Variants in PRELID2 observed in about 807,000 individuals in gnomAD.
The protein encoded by PRELID2 is PRELI domain containing 2.
PRELID2 carries 25 observed loss-of-function variants against 28.4 expected under a neutral mutation model. That is an observed-to-expected ratio of 0.88 (90% CI 0.64 to 1.23). The LOEUF (loss-of-function observed/expected upper bound fraction) is 1.23, where lower values mean the gene tolerates loss of function less well. PRELID2 is among the 50% of genes most tolerant of loss of function. The pLI is 0.00. For missense variants in PRELID2, 201 were observed against 214.4 expected, an observed-to-expected ratio of 0.94 and a Z score of 0.39; for synonymous variants, 76 against 71.6, an observed-to-expected ratio of 1.06 and a Z score of -0.31.
the PRELID2 span, among the ~76,000 whole-genome samples, chr5:145,417,153 G>A: frequency 1.8e-4 from 28 of 151,554 alleles, no homozygotes; most frequent in African/African-American, 6.8e-4. Context: ...AAATCTAGAA[G>A]TGGATAAATT....
chr5:145,229,948 A>G, the PRELID2 span: 1 of 747,790 alleles, frequency 1.3e-6, no homozygotes. Context: ...ATGAGCGTGA[A>G]CGTGCAGGGT....
chr5:145,603,620 A>C (rs1374816917), intron 1 of PRELID2, among the ~76,000 whole-genome samples: 1 of 152,110 alleles, frequency 6.6e-6, no homozygotes, highest in Non-Finnish European at 1.5e-5. Context: ...ATGCAGAAAA[A>C]GGTAGAGGGA....
the PRELID2 span, among the ~76,000 whole-genome samples, chr5:145,264,678 A>C: frequency 3.9e-5 from 6 of 152,076 alleles, no homozygotes; most frequent in African/African-American, 1.4e-4. Context: ...AAGGATATAA[A>C]AATTGGTAAA....
At chr5:145,654,076 G>T (rs184256104) in intron 1 of PRELID2, among the ~76,000 whole-genome samples, 13,002 of 152,052 alleles carry the variant, frequency 0.086, 790 homozygotes, top group Admixed American at 0.19. Context: ...TATCACCACC[G>T]ATCCCACAGA....
chr5:145,279,830 GA>G, the PRELID2 span, among the ~76,000 whole-genome samples: 48,087 of 143,276 alleles, frequency 0.34, 7,970 homozygotes, highest in African/African-American at 0.39. Flanking sequence ...TAGTTTTTGA[GA>G]AAAAAAAAAA....
At chr5:145,631,317 C>A (rs10036552) in intron 1 of PRELID2, among the ~76,000 whole-genome samples, 2,792 of 152,220 alleles carry the variant, frequency 0.018, 92 homozygotes, top group African/African-American at 0.064. Context: ...ATCAGTCAGC[C>A]AAGAAACAGT....
rs144812211 is a variant in PRELID2 at position 145,727,554 on chromosome 5, C to T, written n.70+37377G>A. On this transcript the variant is annotated intron_variant and non_coding_transcript_variant, in intron 1 of 2. Transcript: ENST00000510259. ...AGCTATCATTGCTTGTTCTTGATGA[C>T]GGCTTTCTCTTCAGAGGCAGCTTCC... 3.3e-3 allele frequency among the ~76,000 whole-genome samples: 498 copies of T among 152,284 alleles called. 1 individual carries two copies. Among genetic ancestry groups the T allele is most frequent in the African/African-American group, 0.011 (443 of 41,554 alleles).
At chr5:145,635,899 C>G (rs1050242640) in intron 1 of PRELID2, among the ~76,000 whole-genome samples, 1 of 152,210 alleles carries the variant, frequency 6.6e-6, no homozygotes, top group Non-Finnish European at 1.5e-5. Flanking sequence ...GCTCTTCAAT[C>G]CTGGATCTGG....
intron 1 of PRELID2, among the ~76,000 whole-genome samples, chr5:145,584,368 C>T (rs891182795): frequency 6.6e-6 from 1 of 152,002 alleles, no homozygotes; most frequent in Non-Finnish European, 1.5e-5. Flanking sequence ...CCATTCAGGA[C>T]CTAGGCACAG....
the PRELID2 span, among the ~76,000 whole-genome samples, chr5:145,414,340 C>T: frequency 6.6e-6 from 1 of 152,160 alleles, no homozygotes; most frequent in African/African-American, 2.4e-5. Context: ...CTTGTTGTAG[C>T]CAAAGGTGAT....
chr5:145,571,711 G>T (rs554114338), intron 1 of PRELID2, among the ~76,000 whole-genome samples: 1 of 152,168 alleles, frequency 6.6e-6, no homozygotes, highest in South Asian at 2.1e-4. Context: ...GCCAGGTGCG[G>T]TGGTTCACGC....
chr5:145,295,628 A>G, the PRELID2 span, among the ~76,000 whole-genome samples: 1 of 152,148 alleles, frequency 6.6e-6, no homozygotes, highest in South Asian at 2.1e-4. Context: ...GTAGAATTTT[A>G]AATCTGGAAG....
chr5:145,263,679 A>C, the PRELID2 span, among the ~76,000 whole-genome samples: 1 of 152,058 alleles, frequency 6.6e-6, no homozygotes, highest in African/African-American at 2.4e-5. Flanking sequence ...AGAAATACAA[A>C]AGATTATTCA....
chr5:145,454,950 G>T, the PRELID2 span, among the ~76,000 whole-genome samples: 1 of 152,080 alleles, frequency 6.6e-6, no homozygotes, highest in Non-Finnish European at 1.5e-5. Context: ...TCTAATGATA[G>T]TTTCTTTTGC....
intron 1 of PRELID2, among the ~76,000 whole-genome samples, chr5:145,707,534 C>T (rs371976406): frequency 8.5e-5 from 13 of 152,092 alleles, no homozygotes; most frequent in East Asian, 5.8e-4. Context: ...GTTTAGTTTC[C>T]TTAAGAAGCT....
chr5:145,823,377 G>C (rs1364668090), intron 1 of PRELID2, among the ~76,000 whole-genome samples: 1 of 152,196 alleles, frequency 6.6e-6, no homozygotes. Context: ...CCCTGAGGGG[G>C]ATGAGGTTAA....
At chr5:145,711,368 A>G (rs912545131) in intron 1 of PRELID2, among the ~76,000 whole-genome samples, 1 of 152,210 alleles carries the variant, frequency 6.6e-6, no homozygotes, top group Admixed American at 6.5e-5. Context: ...AGCTCCTGCT[A>G]GGAGAGAACA....
the PRELID2 span, among the ~76,000 whole-genome samples, chr5:145,448,003 G>T: frequency 6.6e-6 from 1 of 152,008 alleles, no homozygotes; most frequent in African/African-American, 2.4e-5. Flanking sequence ...GGGATGGCTG[G>T]GTCAAATGGT....
chr5:145,471,152 C>T (rs1336542993), downstream of PRELID2, among the ~76,000 whole-genome samples: 1 of 152,076 alleles, frequency 6.6e-6, no homozygotes, highest in Non-Finnish European at 1.5e-5. Context: ...TGATAAGAAG[C>T]CAAATTGACA....
Sources: gnomAD v4.1 joint callset for allele counts (sites outside exome capture counted in the v4.1 genomes callset) on GRCh38, gnomAD v4.1.1 for gene constraint, MANE v1.5 for transcripts, NCBI Gene and HGNC (gene_info 2026-07-23, HGNC 2026-07-21) for gene names.